The following LCP2 variants were observed in gnomAD, a reference collection of about 807,000 sequenced individuals.
LCP2 encodes the protein lymphocyte cytosolic protein 2, also known as 76 kDa tyrosine phosphoprotein.
LCP2 carries 29 observed loss-of-function variants against 74.5 expected under a neutral mutation model. The ratio of observed to expected loss-of-function variants is 0.39; its 90% CI spans 0.29 to 0.53. The LOEUF (loss-of-function observed/expected upper bound fraction) is 0.53, where lower values mean the gene tolerates loss of function less well. Ranked by LOEUF, LCP2 falls within the 20% of genes least tolerant of loss-of-function variation. The probability of loss-of-function intolerance (pLI) is 0.72; values close to 1 mark genes in which losing one functional copy is unlikely to be tolerated. For synonymous variants in LCP2, 228 were observed against 229.5 expected (o/e 0.99, Z 0.06); for missense variants, 604 against 634.6 (o/e 0.95, Z 0.52).
chr5:170,289,107 T>G (rs1214115330), intron 2 of LCP2, among the ~76,000 whole-genome samples: 1 of 152,230 alleles, frequency 6.6e-6, no homozygotes, highest in Non-Finnish European at 1.5e-5. Flanking sequence ...TTTGCCTCTC[T>G]GAGCCTCAGT....
rs913725656 is a variant in LCP2 at position 170,266,946 on chromosome 5, T to C, written c.689-55A>G. 2.5e-6 allele frequency: 4 copies of C among 1,609,426 alleles called. No individual in the cohort carries two copies. The East Asian group carries it at 8.9e-5, about 36-fold the overall frequency. Reference sequence around the variant, plus strand: ...AAAGAAGAAAGCAGTCGGCTGGGGGTTGGGCGGGGCTAGGGGAGTGCCTGG... The same window carrying C: ...AAAGAAGAAAGCAGTCGGCTGGGGGCTGGGCGGGGCTAGGGGAGTGCCTGG... On this transcript the variant is annotated intron_variant, in intron 9 of 20. Coordinates refer to ENST00000046794, the MANE Select transcript of LCP2 (RefSeq NM_005565.5).
intron 20 of LCP2, among the ~76,000 whole-genome samples, chr5:170,249,390 CTA>C (rs200081642): frequency 0.019 from 2,624 of 141,184 alleles, 69 homozygotes; most frequent in African/African-American, 0.063. Flanking sequence ...ATCTACATAT[CTA>C]TATATATATA....
At chr5:170,280,038 T>C (rs1762073858) in intron 3 of LCP2, among the ~76,000 whole-genome samples, 1 of 152,072 alleles carries the variant, frequency 6.6e-6, no homozygotes, top group Non-Finnish European at 1.5e-5. Context: ...AAGCATGCAG[T>C]AGGAATAGGC....
rs746159566 is a variant in LCP2, at chr5:170,290,998, AAG to A, written c.141+2310_141+2311del. On this transcript the variant is annotated intron_variant, in intron 2 of 20. Transcript: ENST00000046794. ...AAAGAAAGAAAGAAAGAAAGAAAGA[AAG>A]AGAGAAAGAAAGAGAGAAAGAAAGA... 6.6e-4 allele frequency among the ~76,000 whole-genome samples: 56 copies of A among 84,974 alleles called. No homozygotes were observed. The East Asian group carries it at 9.8e-3, about 15-fold the overall frequency. 55.7% of individuals were successfully genotyped at this position (84,974 alleles called of 152,430 possible). A position where few individuals can be genotyped will look rare whatever the true frequency, so the allele number is the denominator to read the frequency against.
At chr5:170,291,428 G>A (rs1762295422) in intron 2 of LCP2, among the ~76,000 whole-genome samples, 1 of 152,150 alleles carries the variant, frequency 6.6e-6, no homozygotes, top group South Asian at 2.1e-4. Flanking sequence ...CCAGTTGCAG[G>A]GACAGGCACT....
chr5:170,293,466 G>T, intron 1 of LCP2, 94 bp from the exon 2 acceptor site: 1 of 1,246,176 alleles, frequency 8.0e-7, no homozygotes, highest in Non-Finnish European at 1.1e-6. Context: ...GCACTTTGCG[G>T]TACTTGTGGC....
At chr5:170,249,380 A>ATC (rs150473808) in intron 20 of LCP2, among the ~76,000 whole-genome samples, 1,964 of 147,886 alleles carry the variant, frequency 0.013, 51 homozygotes, top group African/African-American at 0.044. Flanking sequence ...ATATATATAT[A>ATC]TCTACATATC....
intron 17 of LCP2, among the ~76,000 whole-genome samples, chr5:170,255,003 G>A (rs1032361097): frequency 2.6e-5 from 4 of 152,214 alleles, no homozygotes; most frequent in African/African-American, 9.6e-5. Context: ...TTAACTATTT[G>A]CATTAATAAG....
chr5:170,266,629 G>T (rs951171284), intron 10 of LCP2, among the ~76,000 whole-genome samples, 179 bp downstream of exon 10: 11 of 152,184 alleles, frequency 7.2e-5, no homozygotes, highest in Admixed American at 7.2e-4. Flanking sequence ...GTGTGATCTT[G>T]GGAAGGTACC....
intron 10 of LCP2, among the ~76,000 whole-genome samples, chr5:170,265,198 A>C (rs532815642): frequency 6.6e-6 from 1 of 151,958 alleles, no homozygotes; most frequent in Admixed American, 6.6e-5. Context: ...CGTGTTAGCC[A>C]GGATGGTCTC....
intron 8 of LCP2, among the ~76,000 whole-genome samples, chr5:170,267,595 G>A (rs1236776791): frequency 7.7e-6 from 1 of 129,368 alleles, no homozygotes; most frequent in African/African-American, 3.1e-5. Context: ...CCCCCATACC[G>A]TCATGTTACC....
intron 3 of LCP2, among the ~76,000 whole-genome samples, chr5:170,278,953 G>C (rs950159935): frequency 3.9e-5 from 6 of 152,140 alleles, no homozygotes; most frequent in African/African-American, 1.4e-4. Flanking sequence ...TCTGGTGGAC[G>C]GTGCAACAGT....
intron 1 of LCP2, among the ~76,000 whole-genome samples, chr5:170,295,285 C>T (rs1046449547): frequency 4.6e-5 from 7 of 152,242 alleles, no homozygotes; most frequent in Admixed American, 1.3e-4. Context: ...GACAAGAAGA[C>T]GCAAAGTCCC....
In LCP2 at chr5:170,287,690, C is replaced by T. The variant is rs910868253; in HGVS notation, c.188+280G>A. ...GACACTGATGCTATTTTCACAGGCCCAAGCACCCCATGAGAAGAGAGGAAA... is the reference window on the plus strand; with the variant it reads ...GACACTGATGCTATTTTCACAGGCCTAAGCACCCCATGAGAAGAGAGGAAA... On this transcript the variant is annotated intron_variant, in intron 3 of 20. Coordinates refer to ENST00000046794, the MANE Select transcript of LCP2 (RefSeq NM_005565.5). 2.7e-5 allele frequency: 13 copies of T among 488,030 alleles called. No individual in the cohort carries two copies. In the Admixed American group the frequency reaches 4.3e-4, roughly 16 times the overall value. The allele number at this position is 488,030 out of a possible 1,614,324, so 30.2% of individuals were successfully genotyped here. A position where few individuals can be genotyped will look rare whatever the true frequency, so the allele number is the denominator to read the frequency against.
At chr5:170,266,592 G>T (rs962855461) in intron 10 of LCP2, among the ~76,000 whole-genome samples, 1 of 152,174 alleles carries the variant, frequency 6.6e-6, no homozygotes, top group African/African-American at 2.4e-5. Flanking sequence ...TATGGGCTTT[G>T]GTCGCTACTC....
At chr5:170,264,582 G>A (rs1208397281) in intron 10 of LCP2, among the ~76,000 whole-genome samples, 2 of 152,214 alleles carry the variant, frequency 1.3e-5, no homozygotes, top group Admixed American at 6.5e-5. Flanking sequence ...AGAATCACTT[G>A]AGGCCAGGAG....
At chr5:170,289,617 TTTTC>T (rs70979169) in intron 2 of LCP2, among the ~76,000 whole-genome samples, 9,431 of 121,844 alleles carry the variant, frequency 0.077, 424 homozygotes, top group Non-Finnish European at 0.1. Flanking sequence ...CTTTCTTTCT[TTTTC>T]TTTCTTTCTT....
At position 170,297,680 on chromosome 5, in the gene LCP2, A is replaced by G; in HGVS notation, c.-69T>C. 2 of 1,393,272 alleles carry G rather than the reference A, an allele frequency of 1.4e-6. No individual in the cohort carries two copies. Among genetic ancestry groups the G allele is most frequent in the South Asian group, 2.6e-5 (2 of 77,918 alleles). The allele number at this position is 1,393,272 out of a possible 1,614,324, so 86.3% of individuals were successfully genotyped here. A position where few individuals can be genotyped will look rare whatever the true frequency, so the allele number is the denominator to read the frequency against. ...TTCACCCATGGGCAGAGAAGCTCAA[A>G]TCCAGAGCTCGGAGGCGTTCTTGGC... On this transcript the variant is annotated 5_prime_UTR_variant, in exon 1 of 21. Transcript: ENST00000046794.
chr5:170,266,320 A>G (rs1324779882), intron 10 of LCP2, among the ~76,000 whole-genome samples: 1 of 152,236 alleles, frequency 6.6e-6, no homozygotes, highest in Non-Finnish European at 1.5e-5. Flanking sequence ...AGCATTTTCT[A>G]TGTACAGAAC....
Sources: gnomAD v4.1 joint callset for allele counts (sites outside exome capture counted in the v4.1 genomes callset) on GRCh38, gnomAD v4.1.1 for gene constraint, MANE v1.5 for transcripts, NCBI Gene and HGNC (gene_info 2026-07-23, HGNC 2026-07-21) for gene names.